The following CADPS2 variants were observed in gnomAD, a reference collection of about 807,000 sequenced individuals.
The protein encoded by CADPS2 is calcium-dependent secretion activator 2.
A neutral mutation model predicts 172.5 loss-of-function variants in CADPS2; 93 were observed. The ratio of observed to expected loss-of-function variants is 0.54; its 90% CI spans 0.46 to 0.64. CADPS2 has a LOEUF of 0.64. Ranked by LOEUF, CADPS2 falls within the 30% of genes least tolerant of loss-of-function variation. The probability of loss-of-function intolerance (pLI) is 0.00; values close to 1 mark genes in which losing one functional copy is unlikely to be tolerated. For missense variants in CADPS2, 1,420 were observed against 1,565.9 expected (o/e 0.91, Z 1.57); for synonymous variants, 546 against 555.2 (o/e 0.98, Z 0.23).
At position 122,554,595 on chromosome 7, in the gene CADPS2, T is replaced by C. The variant is rs1221600592; in HGVS notation, c.1430A>G (p.Lys477Arg). 6.2e-7 allele frequency: 1 copy of C among 1,612,216 alleles called. No individual in the cohort carries two copies. Among genetic ancestry groups the C allele is most frequent in the Non-Finnish European group, 8.5e-7 (1 of 1,178,980 alleles). ...KNSQDSDLKI[K>R]LAVRMDKPAH... Reference sequence around the variant, plus strand: ...TGGTTTATCCATTCGCACTGCCAGTTTGATTTTTAAGTCAGAATCCTGGCT... The same window carrying C: ...TGGTTTATCCATTCGCACTGCCAGTCTGATTTTTAAGTCAGAATCCTGGCT... Residue 477 changes from lysine (K) to arginine (R), a missense_variant, in exon 8 of 30, where the codon AAA becomes AGA. Lys to Arg is a conservative substitution (Grantham distance 26). Coordinates refer to ENST00000449022, the MANE Select transcript of CADPS2 (RefSeq NM_017954.11).
chr7:122,327,110 G>C (rs1351634770), intron 28 of CADPS2, among the ~76,000 whole-genome samples: 3 of 151,916 alleles, frequency 2.0e-5, no homozygotes, highest in Non-Finnish European at 4.4e-5. Flanking sequence ...TATAAAACAA[G>C]ACAGTCATAC....
intron 20 of CADPS2, among the ~76,000 whole-genome samples, chr7:122,403,798 T>A (rs1046743013): frequency 6.6e-6 from 1 of 151,654 alleles, no homozygotes; most frequent in African/African-American, 2.4e-5. Flanking sequence ...TCATTGTAGA[T>A]GAATGAATAT....
intron 1 of CADPS2, among the ~76,000 whole-genome samples, chr7:122,753,739 T>A (rs187175570): frequency 2.6e-5 from 4 of 152,170 alleles, no homozygotes. Flanking sequence ...ATGACAAATC[T>A]AAAGCAAGCT....
At chr7:122,823,566 C>T (rs553219919) in intron 1 of CADPS2, among the ~76,000 whole-genome samples, 1 of 152,172 alleles carries the variant, frequency 6.6e-6, no homozygotes, top group South Asian at 2.1e-4. Context: ...GGGGGTGGGA[C>T]TAGAGAATCA....
intron 1 of CADPS2, among the ~76,000 whole-genome samples, chr7:122,801,858 G>A (rs1353948144): frequency 6.6e-6 from 1 of 150,706 alleles, no homozygotes; most frequent in Non-Finnish European, 1.5e-5. Context: ...CAAAGTGCTG[G>A]GATTACAGGC....
At chr7:122,838,643 CAG>C (rs533466735) in intron 1 of CADPS2, among the ~76,000 whole-genome samples, 2,247 of 152,258 alleles carry the variant, frequency 0.015, 54 homozygotes, top group African/African-American at 0.051. Context: ...AACAGACAAA[CAG>C]AGAGTCAAAT....
At chr7:122,692,796 T>C (rs1264812372) in intron 2 of CADPS2, among the ~76,000 whole-genome samples, 8 of 152,240 alleles carry the variant, frequency 5.3e-5, no homozygotes, top group Admixed American at 1.3e-4. Flanking sequence ...GTAGTTTTAT[T>C]CAGCAGCTTT....
chr7:122,662,942 C>T (rs2080771905), intron 3 of CADPS2, among the ~76,000 whole-genome samples: 1 of 152,144 alleles, frequency 6.6e-6, no homozygotes, highest in African/African-American at 2.4e-5. Context: ...TTTCCTTTTA[C>T]TCTACATGGC....
chr7:122,497,043 G>A (rs1400940544), intron 9 of CADPS2, among the ~76,000 whole-genome samples: 1 of 151,756 alleles, frequency 6.6e-6, no homozygotes, highest in Non-Finnish European at 1.5e-5. Context: ...TGTCTTTCTG[G>A]TAACTTGTTC....
At chr7:122,590,473 A>C (rs73218233) in intron 6 of CADPS2, among the ~76,000 whole-genome samples, 31,815 of 151,872 alleles carry the variant, frequency 0.21, 3,562 homozygotes, top group East Asian at 0.38. Context: ...TCAAGACTTA[A>C]GACATTCCCC....
At chr7:122,687,359 C>A (rs182876968) in intron 2 of CADPS2, among the ~76,000 whole-genome samples, 3 of 152,116 alleles carry the variant, frequency 2.0e-5, no homozygotes, top group African/African-American at 7.2e-5. Flanking sequence ...TTCTTTAAGC[C>A]CTTAAAGCTG....
chr7:122,488,938 G>A (rs1298125931), intron 11 of CADPS2, among the ~76,000 whole-genome samples: 3 of 152,156 alleles, frequency 2.0e-5, no homozygotes, highest in Non-Finnish European at 4.4e-5. Flanking sequence ...CAGAGGGTGA[G>A]AGGAAGGCAG....
chr7:122,633,452 G>T (rs988284196), intron 3 of CADPS2, among the ~76,000 whole-genome samples: 3 of 152,054 alleles, frequency 2.0e-5, no homozygotes, highest in Non-Finnish European at 4.4e-5. Context: ...TTTGGTGTGT[G>T]TATCTATTGT....
chr7:122,662,473 T>G (rs1360867051), intron 3 of CADPS2, among the ~76,000 whole-genome samples: 1 of 150,626 alleles, frequency 6.6e-6, no homozygotes, highest in African/African-American at 2.4e-5. Flanking sequence ...CCTCCCAGGT[T>G]CAAGCAATTC....
chr7:122,676,332 G>A (rs1272996236), intron 2 of CADPS2, among the ~76,000 whole-genome samples: 1 of 152,134 alleles, frequency 6.6e-6, no homozygotes, highest in Non-Finnish European at 1.5e-5. Flanking sequence ...AAACACTACA[G>A]AGAAACTGCC....
At position 122,738,375 on chromosome 7, in the gene CADPS2, C is replaced by T. The variant is rs542523900; in HGVS notation, c.340-1307G>A. On this transcript the variant is annotated intron_variant, in intron 1 of 29. Transcript: ENST00000449022. ...GGCATGTACTTCACTAGAAATAAGGCGTCTTAGATCTTAGGTAATGCAGAA... is the reference window on the plus strand; with the variant it reads ...GGCATGTACTTCACTAGAAATAAGGTGTCTTAGATCTTAGGTAATGCAGAA... Among the ~76,000 whole-genome samples the T allele has an allele frequency of 2.2e-4, 34 of 151,750 alleles. 1 individual carries two copies. The South Asian group carries it at 6.0e-3, about 27-fold the overall frequency.
chr7:122,374,287 G>A (rs2042090581), intron 25 of CADPS2, among the ~76,000 whole-genome samples: 1 of 152,122 alleles, frequency 6.6e-6, no homozygotes, highest in Non-Finnish European at 1.5e-5. Context: ...GCTCACAGTT[G>A]ACATCATATT....
chr7:122,684,362 G>C (rs2083400945), intron 2 of CADPS2, among the ~76,000 whole-genome samples: 1 of 152,026 alleles, frequency 6.6e-6, no homozygotes, highest in East Asian at 1.9e-4. Context: ...GCATCCAAAA[G>C]CATGATTTTC....
chr7:122,600,172 A>AAAAC (rs1368823864), intron 6 of CADPS2, among the ~76,000 whole-genome samples: 2 of 152,122 alleles, frequency 1.3e-5, no homozygotes, highest in Non-Finnish European at 2.9e-5. Flanking sequence ...TGATGGAAAG[A>AAAAC]AAACAAAGCA....
Sources: allele counts gnomAD v4.1 joint callset (sites outside exome capture counted in the v4.1 genomes callset), GRCh38; gene constraint gnomAD v4.1.1; transcripts MANE v1.5; gene names NCBI Gene and HGNC (gene_info 2026-07-23, HGNC 2026-07-21).